Variants in TRIM14 observed in about 807,000 individuals in gnomAD.
TRIM14 encodes the protein tripartite motif containing 14.
A neutral mutation model predicts 44.5 loss-of-function variants in TRIM14; 28 were observed. That is an observed-to-expected ratio of 0.63 (90% CI 0.47 to 0.86). The LOEUF (loss-of-function observed/expected upper bound fraction) is 0.86, where lower values mean the gene tolerates loss of function less well. Among genes scored for constraint, TRIM14 ranks in the 40% least tolerant of loss-of-function variants. The pLI is 0.00. For missense variants in TRIM14, 607 were observed against 611.1 expected, an observed-to-expected ratio of 0.99 and a Z score of 0.07; for synonymous variants, 299 against 269.2, an observed-to-expected ratio of 1.11 and a Z score of -1.08.
chr9:98,045,139 C>A, the TRIM14 span, among the ~76,000 whole-genome samples: 2 of 151,910 alleles, frequency 1.3e-5, no homozygotes, highest in Non-Finnish European at 2.9e-5. Flanking sequence ...GAATGCACCT[C>A]CGAACTAGAA....
At chr9:98,050,850 T>C in the TRIM14 span, among the ~76,000 whole-genome samples, 3 of 152,184 alleles carry the variant, frequency 2.0e-5, no homozygotes, top group Non-Finnish European at 4.4e-5. Flanking sequence ...CTTGGCTCAC[T>C]GTAACCTCCA....
At chr9:98,091,861 C>A in intron 5 of TRIM14, 48 bp downstream of exon 5, 2 of 1,341,462 alleles carry the variant, frequency 1.5e-6, no homozygotes, top group Non-Finnish European at 9.9e-7. Context: ...ACCCAACATC[C>A]CACCATCTCC....
chr9:98,086,098 A>G lies in TRIM14; in HGVS notation c.*1372T>C, dbSNP rs1310905772. The G allele has an allele frequency of 6.6e-6, 1 of 152,242 alleles. No homozygotes were observed. The highest frequency in any genetic ancestry group is 1.5e-5 in the Non-Finnish European group (1 of 68,066). 9.4% of individuals were successfully genotyped at this position (152,242 alleles called of 1,614,324 possible). On this transcript the variant is annotated 3_prime_UTR_variant, in exon 6 of 6. Transcript: ENST00000341469. ...GCTGGGCACTCTGGGTTTCCTTGGC[A>G]ACATCTGGATCTAAGGGTGCTCTTA... is the stretch of plus-strand genomic sequence containing the variant.
At chr9:98,089,693 A>G (rs1326283360) in intron 5 of TRIM14, among the ~76,000 whole-genome samples, 1 of 152,214 alleles carries the variant, frequency 6.6e-6, no homozygotes, top group South Asian at 2.1e-4. Flanking sequence ...CGGCCACATT[A>G]CAACCTAGTT....
intron 6 of TRIM14, among the ~76,000 whole-genome samples, chr9:98,078,687 TAGTC>T (rs1231941969): frequency 6.6e-6 from 1 of 151,672 alleles, no homozygotes; most frequent in Non-Finnish European, 1.5e-5. Flanking sequence ...ATATAAAAAT[TAGTC>T]AGGCATGGTG....
chr9:98,043,627 TACAC>T, the TRIM14 span, among the ~76,000 whole-genome samples: 55,967 of 150,896 alleles, frequency 0.37, 12,439 homozygotes, highest in African/African-American at 0.63. Flanking sequence ...ATAAAGGAAA[TACAC>T]ACACACAGAC....
rs1829670899 is a variant in TRIM14, at chr9:98,078,088, T to C, written c.*29-8401A>G. 3 of 1,510,430 alleles carry C rather than the reference T, an allele frequency of 2.0e-6. No homozygotes were observed. In the African/African-American group the frequency reaches 4.1e-5, roughly 21 times the overall value. 93.6% of individuals were successfully genotyped at this position (1,510,430 alleles called of 1,614,324 possible). On this transcript the variant is annotated intron_variant, in intron 6 of 6. Transcript: ENST00000375098. ...GGCTGGCACAGTGTTTTAAGAGATG[T>C]CTGTGGAGTTCAGTTGAATGATGAG...
At chr9:98,104,357 C>T (rs1886002) in intron 2 of TRIM14, among the ~76,000 whole-genome samples, 8,114 of 152,240 alleles carry the variant, frequency 0.053, 319 homozygotes, top group East Asian at 0.23. Flanking sequence ...ATGCTCCAAG[C>T]AGTTTTTATA....
chr9:98,058,511 T>C, the TRIM14 span, among the ~76,000 whole-genome samples: 16 of 152,230 alleles, frequency 1.1e-4, no homozygotes, highest in Admixed American at 6.5e-5. Flanking sequence ...GACTCCAGCC[T>C]TTCTTCTGCA....
downstream of TRIM14, among the ~76,000 whole-genome samples, chr9:98,065,369 A>G (rs1434522279): frequency 7.3e-6 from 1 of 136,752 alleles, no homozygotes; most frequent in African/African-American, 3.1e-5. Context: ...CTGGAGTGCA[A>G]TCAATGGTGC....
chr9:98,041,257 G>T, the TRIM14 span, among the ~76,000 whole-genome samples: 1 of 151,802 alleles, frequency 6.6e-6, no homozygotes, highest in African/African-American at 2.4e-5. Flanking sequence ...AGTCCAAATT[G>T]CAGGAAAAAA....
chr9:98,095,783 G>GC lies in TRIM14; in HGVS notation c.538-755_538-754insG, dbSNP rs1826166142. 6.6e-6 allele frequency among the ~76,000 whole-genome samples: 1 copy of GC among 152,210 alleles called. No homozygotes were observed. Among genetic ancestry groups the GC allele is most frequent in the Non-Finnish European group, 1.5e-5 (1 of 68,040 alleles). On this transcript the variant is annotated intron_variant, in intron 3 of 5. Transcript: ENST00000341469. The surrounding 1 kb of genome is among the most constrained non-coding windows in gnomAD (Gnocchi z 4.1). ...CATGTGGCACTGAGGGACAGCAGTG[G>GC]TGGGGGCTCTGGTCAGTGGTGTGAG...
the TRIM14 span, among the ~76,000 whole-genome samples, chr9:98,063,662 C>T: frequency 6.6e-6 from 1 of 152,052 alleles, no homozygotes; most frequent in Admixed American, 6.6e-5. Flanking sequence ...CTGTCTCAGC[C>T]TGCTGAGTAG....
chr9:98,051,375 C>T, the TRIM14 span, among the ~76,000 whole-genome samples: 1 of 152,150 alleles, frequency 6.6e-6, no homozygotes, highest in Non-Finnish European at 1.5e-5. Flanking sequence ...TAATGCCCGA[C>T]GTGATATATT....
At chr9:98,041,412 C>CT in the TRIM14 span, among the ~76,000 whole-genome samples, 1 of 151,684 alleles carries the variant, frequency 6.6e-6, no homozygotes, top group Non-Finnish European at 1.5e-5. Flanking sequence ...TCTCAAACTC[C>CT]GACCTCAGGT....
At chr9:98,089,967 G>A (rs1293684111) in intron 5 of TRIM14, among the ~76,000 whole-genome samples, 2 of 152,210 alleles carry the variant, frequency 1.3e-5, no homozygotes, top group Admixed American at 6.5e-5. Context: ...AAAGCGTTGA[G>A]CAACTGAACC....
chr9:98,087,342 G>A lies in TRIM14; in HGVS notation c.*128C>T. 7.1e-7 allele frequency: 1 copy of A among 1,412,690 alleles called. No homozygotes were observed. The allele number at this position is 1,412,690 out of a possible 1,614,324, so 87.5% of individuals were successfully genotyped here. On this transcript the variant is annotated 3_prime_UTR_variant, in exon 6 of 6. Coordinates refer to ENST00000341469, the MANE Select transcript of TRIM14 (RefSeq NM_014788.4). ...AAGCACTGTAGGCGTGATTGGTCGG[G>A]GAAAGCTGGGGCAGGGAGAGGGCCC...
the TRIM14 span, among the ~76,000 whole-genome samples, chr9:98,044,823 C>T: frequency 1.3e-5 from 2 of 152,038 alleles, no homozygotes; most frequent in African/African-American, 4.8e-5. Context: ...CTTTAGAATG[C>T]GCCTCTGAGC....
At chr9:98,115,729 G>A (rs1827027164) in intron 1 of TRIM14, among the ~76,000 whole-genome samples, 1 of 152,154 alleles carries the variant, frequency 6.6e-6, no homozygotes, top group African/African-American at 2.4e-5. Context: ...ATTTGCATAA[G>A]TTCAATAAGA....
Sources: gnomAD v4.1 joint callset for allele counts (sites outside exome capture counted in the v4.1 genomes callset) on GRCh38, gnomAD v4.1.1 for gene constraint, Gnocchi (gnomAD v3.1) non-coding constraint, MANE v1.5 for transcripts, NCBI Gene and HGNC (gene_info 2026-07-23, HGNC 2026-07-21) for gene names.